Variants in PHF21B observed in about 807,000 individuals in gnomAD.
PHF21B encodes PHD finger protein 21B.
A neutral mutation model predicts 62.2 loss-of-function variants in PHF21B; 22 were observed. The ratio of observed to expected loss-of-function variants is 0.35; its 90% CI spans 0.25 to 0.51. PHF21B has a LOEUF of 0.51. Ranked by LOEUF, PHF21B falls within the 20% of genes least tolerant of loss-of-function variation. PHF21B has a pLI of 0.97. For synonymous variants in PHF21B, 341 were observed against 314.7 expected (o/e 1.08, Z -0.88); for missense variants, 701 against 707.9 (o/e 0.99, Z 0.11).
rs566420593 is a variant in PHF21B, at chr22:45,009,109, C to T, written c.54+387G>A. ...CGATCGCCAAAACTACTTCTGCACACCGGGCAGGTTCGCCCGGGGCGCGGG... is the reference window on the plus strand; with the variant it reads ...CGATCGCCAAAACTACTTCTGCACATCGGGCAGGTTCGCCCGGGGCGCGGG... On this transcript the variant is annotated intron_variant, in intron 1 of 12. Transcript: ENST00000313237. This position sits in a 1 kb window ranked among gnomAD's most constrained non-coding sequence, Gnocchi z 5.9. The T allele has an allele frequency of 2.1e-6, 2 of 966,908 alleles. No homozygotes were observed. Among genetic ancestry groups the T allele is most frequent in the South Asian group, 4.5e-5 (1 of 22,382 alleles). The allele number at this position is 966,908 out of a possible 1,614,324, so 59.9% of individuals were successfully genotyped here.
chr22:44,970,119 A>G (rs1161992681), intron 2 of PHF21B, among the ~76,000 whole-genome samples: 3 of 152,254 alleles, frequency 2.0e-5, no homozygotes, highest in African/African-American at 7.2e-5. Context: ...GCCCAAGGCC[A>G]CAGAGCTGGC....
At chr22:44,933,245 G>A (rs548821072) in intron 2 of PHF21B, among the ~76,000 whole-genome samples, 22 of 152,086 alleles carry the variant, frequency 1.4e-4, no homozygotes, top group Non-Finnish European at 2.4e-4. Flanking sequence ...CCAAGTAGCT[G>A]GGATTACAGG....
intron 2 of PHF21B, among the ~76,000 whole-genome samples, chr22:44,926,612 C>T (rs2071637110): frequency 6.6e-6 from 1 of 152,202 alleles, no homozygotes; most frequent in Non-Finnish European, 1.5e-5. Context: ...TCTGGGTGGG[C>T]TGAGGAGGCC....
At chr22:44,941,061 C>A (rs913050475) in intron 2 of PHF21B, among the ~76,000 whole-genome samples, 1 of 152,196 alleles carries the variant, frequency 6.6e-6, no homozygotes. Flanking sequence ...TCCACAGCAC[C>A]CCGCAGCGCC....
At chr22:44,920,673 A>G (rs1341701842) in intron 2 of PHF21B, among the ~76,000 whole-genome samples, 183 bp from the exon 3 acceptor site, 1 of 152,254 alleles carries the variant, frequency 6.6e-6, no homozygotes, top group Non-Finnish European at 1.5e-5. Context: ...AAGTTTGGAA[A>G]CTAGAGAAAG....
intron 2 of PHF21B, among the ~76,000 whole-genome samples, chr22:44,995,794 C>T (rs1189809138): frequency 2.0e-5 from 3 of 150,292 alleles, no homozygotes; most frequent in Non-Finnish European, 4.4e-5. Context: ...CCCCCCGCCC[C>T]CCACCTCCAC....
chr22:44,893,769 G>C (rs1213058789), intron 6 of PHF21B, among the ~76,000 whole-genome samples: 1 of 152,252 alleles, frequency 6.6e-6, no homozygotes, highest in Non-Finnish European at 1.5e-5. Context: ...GAGGCTGGCA[G>C]GTACCCAGAA....
intron 2 of PHF21B, among the ~76,000 whole-genome samples, chr22:45,000,400 G>A (rs546645716): frequency 5.3e-5 from 8 of 152,210 alleles, no homozygotes; most frequent in Non-Finnish European, 8.8e-5. Context: ...CAGATGGGGC[G>A]AGTAGCAGCC....
intron 2 of PHF21B, among the ~76,000 whole-genome samples, chr22:44,947,360 G>C (rs963204292): frequency 2.0e-5 from 3 of 152,344 alleles, no homozygotes; most frequent in African/African-American, 7.2e-5. Context: ...TAAGCAGACC[G>C]ACGCATGGGC....
chr22:44,907,276 A>G (rs2071267839), intron 5 of PHF21B, among the ~76,000 whole-genome samples: 1 of 152,248 alleles, frequency 6.6e-6, no homozygotes, highest in African/African-American at 2.4e-5. Flanking sequence ...ATCAGGAGGC[A>G]TCTGAAGGAT....
At chr22:44,949,304 AAAAAAG>A (rs1265300790) in intron 2 of PHF21B, among the ~76,000 whole-genome samples, 20 of 104,314 alleles carry the variant, frequency 1.9e-4, no homozygotes, top group African/African-American at 3.8e-4. Flanking sequence ...TCCATCTCAA[AAAAAAG>A]AAAAAAAAAA....
intron 2 of PHF21B, 81 bp from the exon 3 acceptor site, chr22:44,920,571 G>T: frequency 9.9e-7 from 1 of 1,005,228 alleles, no homozygotes; most frequent in Non-Finnish European, 1.5e-6. Context: ...GCCAAGCAGG[G>T]GGCAGCTGCC....
At chr22:44,896,511 T>C (rs1403165465) in intron 5 of PHF21B, among the ~76,000 whole-genome samples, 1 of 152,230 alleles carries the variant, frequency 6.6e-6, no homozygotes, top group African/African-American at 2.4e-5. Flanking sequence ...TATTCAAATA[T>C]ACTTTAAAGA....
In PHF21B at chr22:44,999,447, C is replaced by T. The variant is rs370504971; in HGVS notation, c.120+9098G>A. Among the ~76,000 whole-genome samples the T allele has an allele frequency of 8.5e-5, 13 of 152,238 alleles. No homozygotes were observed. In the South Asian group the frequency reaches 1.0e-3, roughly 12 times the overall value. ...AGGCCCCGGCCAGCCACACACTCCC[C>T]GGTGCTAAGCCAACAGCCAGGCTCC... On this transcript the variant is annotated intron_variant, in intron 2 of 12. Coordinates refer to ENST00000313237, the MANE Select transcript of PHF21B (RefSeq NM_138415.5).
chr22:44,995,735 G>A (rs1243341164), intron 2 of PHF21B, among the ~76,000 whole-genome samples: 1 of 152,058 alleles, frequency 6.6e-6, no homozygotes, highest in African/African-American at 2.4e-5. Context: ...CACCTTCCGA[G>A]ATGTTGAGTG....
At chr22:44,981,183 CAG>C (rs1211344936) in intron 2 of PHF21B, among the ~76,000 whole-genome samples, 1 of 152,098 alleles carries the variant, frequency 6.6e-6, no homozygotes, top group East Asian at 1.9e-4. Flanking sequence ...AAGAGGGAGA[CAG>C]AGGGGAGGAG....
chr22:44,960,623 T>G (rs1440215269), intron 2 of PHF21B, among the ~76,000 whole-genome samples: 2 of 152,222 alleles, frequency 1.3e-5, no homozygotes, highest in Non-Finnish European at 2.9e-5. Context: ...TACTTTGGTG[T>G]GTCTGTGAGG....
rs117129310 is a variant in PHF21B at position 44,921,951 on chromosome 22, G to A, written c.121-1461C>T. ...TGGGATTATAGGCATGAGCCACCGC[G>A]CCCGGTCCTGATGGAGCAGTTCTAC... On this transcript the variant is annotated intron_variant, in intron 2 of 12. Transcript: ENST00000313237. Among the ~76,000 whole-genome samples, 298 of 152,226 alleles carry A rather than the reference G, an allele frequency of 2.0e-3. 6 individuals carry two copies. In the East Asian group the frequency reaches 0.046, roughly 24 times the overall value.
chr22:44,921,950 C>A (rs371673665), intron 2 of PHF21B, among the ~76,000 whole-genome samples: 1 of 152,198 alleles, frequency 6.6e-6, no homozygotes, highest in Non-Finnish European at 1.5e-5. Flanking sequence ...TGAGCCACCG[C>A]GCCCGGTCCT....
Sources: gnomAD v4.1 joint callset for allele counts (sites outside exome capture counted in the v4.1 genomes callset) on GRCh38, gnomAD v4.1.1 for gene constraint, Gnocchi (gnomAD v3.1) non-coding constraint, MANE v1.5 for transcripts, NCBI Gene and HGNC (gene_info 2026-07-23, HGNC 2026-07-21) for gene names.